Variants in SLC35D1 observed in about 807,000 individuals in gnomAD.
SLC35D1 encodes solute carrier family 35 member D1.
In SLC35D1, 31 loss-of-function variants were observed where a neutral mutation model predicts 46.7. The ratio of observed to expected loss-of-function variants is 0.66; its 90% CI spans 0.50 to 0.90. The LOEUF is 0.90. Ranked by LOEUF, SLC35D1 falls within the 40% of genes least tolerant of loss-of-function variation. SLC35D1 has a pLI of 0.00. For missense variants in SLC35D1, 397 were observed against 426.2 expected (o/e 0.93, Z 0.60); for synonymous variants, 195 against 164.6 (o/e 1.18, Z -1.41).
chr1:67,040,036 C>T (rs1411608781), intron 8 of SLC35D1, among the ~76,000 whole-genome samples: 1 of 151,570 alleles, frequency 6.6e-6, no homozygotes, highest in Non-Finnish European at 1.5e-5. Context: ...GCTTTGTCAC[C>T]CAGGCTGGAG....
chr1:67,004,370 CTTG>C lies in SLC35D1; in HGVS notation c.1035_1037del (p.Asn345del). The C allele has an allele frequency of 6.2e-7, 1 of 1,614,012 alleles. No homozygotes were observed. On this transcript the variant is annotated inframe_deletion, in exon 12 of 12. Coordinates refer to ENST00000235345, the MANE Select transcript of SLC35D1 (RefSeq NM_015139.3). ...CTGCTCCTTTCCCCTTAATGTCCAG[CTTG>C]TTATTAGCCTCTGACTGTTTGCTCA...
the SLC35D1 span, among the ~76,000 whole-genome samples, chr1:66,984,270 C>T: frequency 6.6e-6 from 1 of 152,158 alleles, no homozygotes; most frequent in South Asian, 2.1e-4. Context: ...ACCTAATATG[C>T]TTTTAACATA....
intron 10 of SLC35D1, among the ~76,000 whole-genome samples, chr1:67,014,686 T>TTC (rs1667644373): frequency 1.4e-5 from 2 of 147,170 alleles, no homozygotes; most frequent in African/African-American, 2.5e-5. Flanking sequence ...TTTTTTTTTT[T>TTC]TTTTTGGCCT....
chr1:67,030,418 T>A (rs917080520), intron 8 of SLC35D1, among the ~76,000 whole-genome samples: 1 of 152,202 alleles, frequency 6.6e-6, no homozygotes, highest in Non-Finnish European at 1.5e-5. Flanking sequence ...GGGACAATGA[T>A]AATTCTCTGA....
chr1:66,973,489 G>C, the SLC35D1 span, among the ~76,000 whole-genome samples: 2 of 151,918 alleles, frequency 1.3e-5, no homozygotes, highest in Non-Finnish European at 2.9e-5. Flanking sequence ...CGATAAATCA[G>C]CTTTATATTC....
downstream of SLC35D1, among the ~76,000 whole-genome samples, chr1:66,996,103 T>C (rs1004999597): frequency 1.3e-5 from 2 of 152,252 alleles, no homozygotes; most frequent in Admixed American, 1.3e-4. Flanking sequence ...AGTAAAGTGC[T>C]GGAAGGACCA....
the SLC35D1 span, chr1:66,987,848 C>G: frequency 6.6e-6 from 1 of 152,166 alleles, no homozygotes; most frequent in African/African-American, 2.4e-5. Flanking sequence ...TTTACCACAT[C>G]TTGGGTGATG....
At chr1:66,976,810 C>T in the SLC35D1 span, 2 of 1,193,260 alleles carry the variant, frequency 1.7e-6, no homozygotes. Flanking sequence ...TTTTGATAAT[C>T]TTGCTTTTAT....
the SLC35D1 span, among the ~76,000 whole-genome samples, chr1:66,982,197 C>T: frequency 6.6e-6 from 1 of 152,122 alleles, no homozygotes; most frequent in Non-Finnish European, 1.5e-5. Context: ...CCTGTCTTGT[C>T]TAGTTGGGTT....
the SLC35D1 span, among the ~76,000 whole-genome samples, chr1:66,989,533 G>A: frequency 6.6e-6 from 1 of 152,312 alleles, no homozygotes; most frequent in South Asian, 2.1e-4. Context: ...CAAGATCATG[G>A]CTCACTGCAG....
rs1304341128 is a variant in SLC35D1, at chr1:67,035,737, G to A, written c.729+6499C>T. ...CTTTTCTTCTACTAATTTTGGGTTT[G>A]GAACCCAAAAGAACTTGCTTTTCTA... On this transcript the variant is annotated intron_variant, in intron 8 of 11. Coordinates refer to ENST00000235345, the MANE Select transcript of SLC35D1 (RefSeq NM_015139.3). Among the ~76,000 whole-genome samples the A allele has an allele frequency of 2.7e-5, 4 of 149,402 alleles. No homozygotes were observed. The South Asian group carries it at 8.4e-4, about 31-fold the overall frequency.
chr1:67,030,303 A>G (rs1394619749), intron 8 of SLC35D1, among the ~76,000 whole-genome samples: 1 of 152,186 alleles, frequency 6.6e-6, no homozygotes, highest in South Asian at 2.1e-4. Context: ...CATAAAAGAA[A>G]TCTCAGCCCT....
the SLC35D1 span, among the ~76,000 whole-genome samples, chr1:66,989,883 C>A: frequency 6.6e-6 from 1 of 152,186 alleles, no homozygotes; most frequent in Non-Finnish European, 1.5e-5. Flanking sequence ...AATTCTTGAC[C>A]AGAAAATCTA....
the SLC35D1 span, chr1:66,972,976 G>T: frequency 6.3e-7 from 1 of 1,596,902 alleles, no homozygotes; most frequent in South Asian, 1.1e-5. Context: ...ATTTTCATTT[G>T]ATTCAGGCTA....
intron 10 of SLC35D1, among the ~76,000 whole-genome samples, chr1:67,009,563 G>C (rs1667520891): frequency 1.3e-5 from 2 of 152,098 alleles, no homozygotes; most frequent in South Asian, 4.1e-4. Flanking sequence ...CATACATGCA[G>C]CAAACAAATA....
chr1:67,051,519 T>A (rs1645308690), intron 4 of SLC35D1, among the ~76,000 whole-genome samples: 1 of 152,212 alleles, frequency 6.6e-6, no homozygotes, highest in South Asian at 2.1e-4. Flanking sequence ...TACAGTTACA[T>A]GCCATGTGTA....
At chr1:67,034,391 T>C (rs1668081393) in intron 8 of SLC35D1, among the ~76,000 whole-genome samples, 1 of 152,244 alleles carries the variant, frequency 6.6e-6, no homozygotes, top group East Asian at 1.9e-4. Context: ...TGGCTTTCAC[T>C]GTAAAGACTT....
chr1:67,037,065 C>G (rs2102330559), intron 8 of SLC35D1, among the ~76,000 whole-genome samples: 1 of 152,136 alleles, frequency 6.6e-6, no homozygotes, highest in East Asian at 1.9e-4. Flanking sequence ...AAAAAGAAAA[C>G]TAATAAGAAC....
At chr1:67,030,582 TTTTAA>T (rs1667998153) in intron 8 of SLC35D1, among the ~76,000 whole-genome samples, 1 of 151,552 alleles carries the variant, frequency 6.6e-6, no homozygotes, top group African/African-American at 2.4e-5. Flanking sequence ...TAATCATTAC[TTTTAA>T]TTTTTTTTTT....
Sources: gnomAD v4.1 joint callset for allele counts (sites outside exome capture counted in the v4.1 genomes callset) on GRCh38, gnomAD v4.1.1 for gene constraint, MANE v1.5 for transcripts, NCBI Gene and HGNC (gene_info 2026-07-23, HGNC 2026-07-21) for gene names.